Variants in KCNMA1 observed in about 807,000 individuals in gnomAD.
KCNMA1 encodes potassium calcium-activated channel subfamily M alpha 1, also known as Calcium-activated potassium channel subunit alpha-1.
KCNMA1 carries 29 observed loss-of-function variants against 140.0 expected under a neutral mutation model. That is an observed-to-expected ratio of 0.21 (90% CI 0.15 to 0.28). The LOEUF is 0.28. KCNMA1 is among the 10% of genes least tolerant of loss of function. The probability of loss-of-function intolerance (pLI) is 1.00; values close to 1 mark genes in which losing one functional copy is unlikely to be tolerated. For missense variants in KCNMA1, 880 were observed against 1,602.2 expected (o/e 0.55, Z 7.70); for synonymous variants, 612 against 611.9 (o/e 1.00, Z 0.00).
intron 1 of KCNMA1, among the ~76,000 whole-genome samples, chr10:77,508,544 T>C (rs918625290): frequency 4.0e-5 from 6 of 151,584 alleles, no homozygotes; most frequent in Non-Finnish European, 7.4e-5. Context: ...AAATTTACCA[T>C]TGGAACCACT....
At position 77,353,901 on chromosome 10, in the gene KCNMA1, G is replaced by A. The variant is rs1470604791; in HGVS notation, c.540+49961C>T. 5.4e-5 allele frequency among the ~76,000 whole-genome samples: 8 copies of A among 149,382 alleles called. No individual in the cohort carries two copies. In the East Asian group the frequency reaches 1.6e-3, roughly 30 times the overall value. ...CACAGTTGGTGAACAGTAGAGCCAG[G>A]ATTCAGACTCAGGCAGCCTGGCTAC... On this transcript the variant is annotated intron_variant, in intron 2 of 27. Coordinates refer to ENST00000286628, the MANE Select transcript of KCNMA1 (RefSeq NM_001161352.2).
chr10:77,109,544 A>G (rs1158400241), intron 8 of KCNMA1, among the ~76,000 whole-genome samples: 1 of 152,240 alleles, frequency 6.6e-6, no homozygotes, highest in African/African-American at 2.4e-5. Context: ...ACTTTTAAAA[A>G]GCAAACAGTG....
intron 3 of KCNMA1, among the ~76,000 whole-genome samples, chr10:77,199,925 G>C (rs2041921520): frequency 6.6e-6 from 1 of 152,080 alleles, no homozygotes. Flanking sequence ...ATAGGGAGCT[G>C]ACAGAAGTTT....
At chr10:77,449,002 G>A (rs1210499550) in intron 1 of KCNMA1, among the ~76,000 whole-genome samples, 2 of 151,368 alleles carry the variant, frequency 1.3e-5, no homozygotes, top group Non-Finnish European at 2.9e-5. Context: ...CAGGAGAATC[G>A]CTTGAATCCA....
At chr10:77,255,162 G>A (rs1008269101) in intron 2 of KCNMA1, among the ~76,000 whole-genome samples, 34 of 152,076 alleles carry the variant, frequency 2.2e-4, no homozygotes, top group Admixed American at 1.8e-3. Flanking sequence ...TTGAGTACTC[G>A]GTGTGCCAGA....
At chr10:77,612,961 A>G (rs996087585) in intron 1 of KCNMA1, among the ~76,000 whole-genome samples, 9 of 152,158 alleles carry the variant, frequency 5.9e-5, no homozygotes, top group Non-Finnish European at 1.5e-5. Context: ...TAGATGCTCA[A>G]TAACTGTTTA....
chr10:76,951,725 C>T (rs1463525725), intron 21 of KCNMA1, among the ~76,000 whole-genome samples: 1 of 152,144 alleles, frequency 6.6e-6, no homozygotes, highest in Non-Finnish European at 1.5e-5. Context: ...CAGACAGCAC[C>T]TCCCAGTCTC....
intron 2 of KCNMA1, among the ~76,000 whole-genome samples, chr10:77,315,255 G>T (rs1415642579): frequency 6.6e-6 from 1 of 152,222 alleles, no homozygotes; most frequent in African/African-American, 2.4e-5. Flanking sequence ...TTAGTGAGCT[G>T]CAGCCAGGCT....
chr10:76,982,022 C>G (rs1442503706), intron 19 of KCNMA1, among the ~76,000 whole-genome samples: 1 of 152,144 alleles, frequency 6.6e-6, no homozygotes, highest in East Asian at 1.9e-4. Context: ...AAGACACTTC[C>G]CTTTCCTGGG....
chr10:77,585,595 T>C (rs892461402), intron 1 of KCNMA1, among the ~76,000 whole-genome samples: 3 of 152,200 alleles, frequency 2.0e-5, no homozygotes, highest in Non-Finnish European at 2.9e-5. Flanking sequence ...GCTTTTCTGT[T>C]CTCATCACCT....
At chr10:77,515,958 T>C (rs911726179) in intron 1 of KCNMA1, among the ~76,000 whole-genome samples, 1 of 152,212 alleles carries the variant, frequency 6.6e-6, no homozygotes, top group East Asian at 1.9e-4. Context: ...CCATCCCTGT[T>C]ATCCCTGCAG....
intron 2 of KCNMA1, among the ~76,000 whole-genome samples, chr10:77,304,220 A>C (rs915798164): frequency 1.3e-5 from 2 of 152,250 alleles, no homozygotes. Flanking sequence ...GTCTTCCTCT[A>C]CTAGGGAGGC....
chr10:76,959,858 G>A (rs2070257855), intron 20 of KCNMA1, among the ~76,000 whole-genome samples: 1 of 152,182 alleles, frequency 6.6e-6, no homozygotes, highest in African/African-American at 2.4e-5. Flanking sequence ...CTACTCACAA[G>A]AACACCTGTA....
intron 14 of KCNMA1, among the ~76,000 whole-genome samples, chr10:77,042,432 T>G (rs959774712): frequency 6.6e-6 from 1 of 152,210 alleles, no homozygotes; most frequent in African/African-American, 2.4e-5. Context: ...ATAATTTGTT[T>G]TATTAATGAA....
At chr10:77,404,464 G>C (rs750208441) in intron 1 of KCNMA1, among the ~76,000 whole-genome samples, 18 of 152,072 alleles carry the variant, frequency 1.2e-4, no homozygotes, top group Admixed American at 3.9e-4. Context: ...ATTTTTAGTA[G>C]AGAGGGTTTC....
chr10:76,894,194 T>G (rs998248940), intron 25 of KCNMA1, among the ~76,000 whole-genome samples: 4 of 152,210 alleles, frequency 2.6e-5, no homozygotes, highest in Non-Finnish European at 5.9e-5. Flanking sequence ...CTATTAATTT[T>G]CAGTGAGTGT....
At chr10:77,111,558 G>GATCTGAGACTCTAGATCT (rs2097324871) in intron 7 of KCNMA1, among the ~76,000 whole-genome samples, 1 of 152,226 alleles carries the variant, frequency 6.6e-6, no homozygotes. Flanking sequence ...GGGCTGGGCA[G>GATCTGAGACTCTAGATCT]GAGACTCTAG....
rs1444660696 is a variant in KCNMA1 at position 77,429,455 on chromosome 10, C to T, written c.379-25432G>A. On this transcript the variant is annotated intron_variant, in intron 1 of 27. Transcript: ENST00000286628. ...CTCCCAACATGGCCAAACGTCCCCT[C>T]GAGGGCAAAATCGCCACCATTTGAA... Among the ~76,000 whole-genome samples, 6 of 152,266 alleles carry T rather than the reference C, an allele frequency of 3.9e-5. No individual in the cohort carries two copies. In the South Asian group the frequency reaches 8.3e-4, roughly 21 times the overall value.
intron 25 of KCNMA1, among the ~76,000 whole-genome samples, chr10:76,900,896 TAAA>T (rs5786248): frequency 1.4e-5 from 2 of 146,226 alleles, no homozygotes. Flanking sequence ...CCCTATTTGT[TAAA>T]AAAAAAAAAA....
Sources: gnomAD v4.1 joint callset for allele counts (sites outside exome capture counted in the v4.1 genomes callset) on GRCh38, gnomAD v4.1.1 for gene constraint, MANE v1.5 for transcripts, NCBI Gene and HGNC (gene_info 2026-07-23, HGNC 2026-07-21) for gene names.